The following ZNF239 variants were observed in gnomAD, a reference collection of about 807,000 sequenced individuals.
ZNF239 encodes the protein zinc finger protein (C2H2) homologous to mouse MOK-2.
Under a neutral mutation model 27.5 loss-of-function variants are expected in ZNF239, and 16 were observed. The ratio of observed to expected loss-of-function variants is 0.58; its 90% CI spans 0.39 to 0.88. The LOEUF is 0.88. Among genes scored for constraint, ZNF239 ranks in the 40% least tolerant of loss-of-function variants. The pLI is 0.00. For missense variants in ZNF239, 527 were observed against 551.9 expected, an observed-to-expected ratio of 0.95 and a Z score of 0.45; for synonymous variants, 199 against 192.6, an observed-to-expected ratio of 1.03 and a Z score of -0.27.
At chr10:43,564,135 C>T (rs1837469356) in intron 3 of ZNF239, 2 of 209,854 alleles carry the variant, frequency 9.5e-6, no homozygotes, top group Middle Eastern at 2.2e-3. Flanking sequence ...TGTTCTTCCC[C>T]TCCCTAGCCA....
chr10:43,557,602 A>C lies in ZNF239; in HGVS notation c.478T>G (p.Trp160Gly). ...IDCNCKDIHG[W>G]KSQVVSCSQQ... ...CTACAACTGACCACCTGTGATTTCC[A>C]TCCATGAATGTCTTTGCAGTTACAG... The change falls in exon 4 of 4, where the codon TGG becomes GGG. Residue 160 changes from tryptophan (W) to glycine (G), a missense_variant. Trp to Gly is a radical substitution (Grantham distance 184). Coordinates refer to ENST00000374446, the MANE Select transcript of ZNF239 (RefSeq NM_001099282.2). 2 of 1,614,164 alleles carry C rather than the reference A, an allele frequency of 1.2e-6. No homozygotes were observed. The highest frequency in any genetic ancestry group is 1.7e-6 in the Non-Finnish European group (2 of 1,180,036).
intron 2 of ZNF239, 58 bp downstream of exon 2, chr10:43,573,579 A>C (rs761312610): frequency 1.0e-6 from 1 of 977,906 alleles, no homozygotes; most frequent in Non-Finnish European, 1.2e-6. Flanking sequence ...AAAACAACAC[A>C]TGGCACAGGG....
chr10:43,568,180 T>C, intron 2 of ZNF239, 159 bp from the exon 3 acceptor site: 2 of 985,504 alleles, frequency 2.0e-6, no homozygotes, highest in Non-Finnish European at 2.4e-6. Context: ...TTGGAAAGTC[T>C]TTCCTTTCTC....
chr10:43,559,768 T>G (rs1219764723), intron 3 of ZNF239, among the ~76,000 whole-genome samples: 1 of 151,536 alleles, frequency 6.6e-6, no homozygotes, highest in Non-Finnish European at 1.5e-5. Context: ...CATAATACTC[T>G]TGGGAAAACA....
intron 3 of ZNF239, among the ~76,000 whole-genome samples, chr10:43,561,078 A>C (rs1338731358): frequency 6.6e-6 from 1 of 152,224 alleles, no homozygotes; most frequent in African/African-American, 2.4e-5. Context: ...CACATGGCTA[A>C]GATGGAAGAT....
intron 3 of ZNF239, among the ~76,000 whole-genome samples, chr10:43,564,814 C>T (rs1238026519): frequency 6.6e-6 from 1 of 152,110 alleles, no homozygotes; most frequent in Non-Finnish European, 1.5e-5. Flanking sequence ...CAGGCATGAG[C>T]CACCACGCCT....
chr10:43,568,247 C>T (rs1195855834), intron 2 of ZNF239: 8 of 985,494 alleles, frequency 8.1e-6, no homozygotes, highest in Non-Finnish European at 9.6e-6. Flanking sequence ...CATATCTACG[C>T]TCAAGTTCTC....
intron 3 of ZNF239, among the ~76,000 whole-genome samples, chr10:43,561,834 A>C (rs1285536824): frequency 1.1e-4 from 16 of 152,130 alleles, no homozygotes; most frequent in Non-Finnish European, 4.4e-5. Context: ...ACAAAACAAA[A>C]ACCCCCAAAC....
rs888610113 is a variant in ZNF239 at position 43,558,166 on chromosome 10, A to G, written c.-87T>C. On this transcript the variant is annotated 5_prime_UTR_variant, in exon 4 of 4. Transcript: ENST00000374446. ...AGATTCTCCACAGAATTTTCATTCA[A>G]GTCTCCTAGGGAACAAAGACAATTC... The G allele has an allele frequency of 1.3e-5, 19 of 1,483,180 alleles. No individual in the cohort carries two copies. In the Middle Eastern group the frequency reaches 8.9e-4, roughly 69 times the overall value. The allele number at this position is 1,483,180 out of a possible 1,614,324, so 91.9% of individuals were successfully genotyped here. A position where few individuals can be genotyped will look rare whatever the true frequency, so the allele number is the denominator to read the frequency against.
rs1588808956 is a variant in ZNF239 at position 43,567,928 on chromosome 10, T to C, written c.-122A>G. The C allele has an allele frequency of 1.0e-6, 1 of 985,782 alleles. No individual in the cohort carries two copies. Among genetic ancestry groups the C allele is most frequent in the Non-Finnish European group, 1.2e-6 (1 of 829,970 alleles). The allele number at this position is 985,782 out of a possible 1,614,324, so 61.1% of individuals were successfully genotyped here. A position where few individuals can be genotyped will look rare whatever the true frequency, so the allele number is the denominator to read the frequency against. On this transcript the variant is annotated 5_prime_UTR_variant, in exon 3 of 4. It removes an upstream start codon present in the reference 5' UTR. Coordinates refer to ENST00000374446, the MANE Select transcript of ZNF239 (RefSeq NM_001099282.2). ...ACCAAGTTTCTGTAGTTGCCCAGCA[T>C]CACAGCTCCGCACAGCTTCCTGGGA...
intron 3 of ZNF239, among the ~76,000 whole-genome samples, chr10:43,559,834 C>A (rs190472152): frequency 4.6e-5 from 7 of 152,172 alleles, no homozygotes; most frequent in Non-Finnish European, 8.8e-5. Flanking sequence ...TGATAAGGAG[C>A]AGATGGATTA....
At chr10:43,570,062 G>T in intron 2 of ZNF239, 1 of 513,270 alleles carries the variant, frequency 1.9e-6, no homozygotes, top group Non-Finnish European at 2.5e-6. Context: ...TATATAAAAA[G>T]TCATAAAGGC....
rs765341055 is a variant in ZNF239 at position 43,556,741 on chromosome 10, G to A, written c.1339C>T (p.His447Tyr). ...TTCTTGTGAACCCGCTGGTGGATGT[G>A]AAGGTTGGAGCTCTGGCTGAAGCCC... ...GKGFSQSSNL[H>Y]IHQRVHKKDP... is the part of the protein sequence containing the mutation. Residue 447 changes from histidine (H) to tyrosine (Y), a missense_variant, in exon 4 of 4, where the codon CAC becomes TAC. By Grantham distance (83) the His-to-Tyr change is moderately conservative. Coordinates refer to ENST00000374446, the MANE Select transcript of ZNF239 (RefSeq NM_001099282.2). 13 of 1,614,030 alleles carry A rather than the reference G, an allele frequency of 8.1e-6. No individual in the cohort carries two copies. Among genetic ancestry groups the A allele is most frequent in the Non-Finnish European group, 8.5e-6 (10 of 1,179,938 alleles).
intron 3 of ZNF239, among the ~76,000 whole-genome samples, chr10:43,564,889 T>C (rs1431548176): frequency 1.3e-5 from 2 of 152,010 alleles, no homozygotes; most frequent in African/African-American, 4.8e-5. Context: ...ACAACTTTAA[T>C]ACTGACAAAA....
rs746610066 is a variant in ZNF239, at chr10:43,557,421, G to A, written c.659C>T (p.Ser220Leu). 2 of 1,614,080 alleles carry A rather than the reference G, an allele frequency of 1.2e-6. No homozygotes were observed. Among genetic ancestry groups the A allele is most frequent in the South Asian group, 1.1e-5 (1 of 91,084 alleles). ...GTCTCTCTGATGAAGTAGTAGCTCT[G>A]AGCTTTGACTGAAGTTCTTACCACA... ...SQCGKNFSQSSELLLHQRDHT... is the reference protein window; with the variant it reads ...SQCGKNFSQSLELLLHQRDHT... The change falls in exon 4 of 4, where the codon TCA becomes TTA. Residue 220 changes from serine to leucine, a missense_variant. Coordinates refer to ENST00000374446, the MANE Select transcript of ZNF239 (RefSeq NM_001099282.2).
chr10:43,569,291 C>T (rs555369787), intron 2 of ZNF239, among the ~76,000 whole-genome samples: 2 of 152,322 alleles, frequency 1.3e-5, no homozygotes, highest in Admixed American at 1.3e-4. Flanking sequence ...CCCACATCAA[C>T]CTCCTGGTTG....
At chr10:43,569,286 A>T (rs1163814312) in intron 2 of ZNF239, among the ~76,000 whole-genome samples, 4 of 152,090 alleles carry the variant, frequency 2.6e-5, no homozygotes, top group African/African-American at 9.7e-5. Context: ...TCTCACCCAC[A>T]TCAACCTCCT....
rs1564455066 is a variant in ZNF239, at chr10:43,558,022, C to A, written c.58G>T (p.Asp20Tyr). Reference sequence around the variant, plus strand: ...GAAATATCTAGTTCAGGCTCCCCATCCACTTCCCCTCGATGATTCACAATA... The same window carrying A: ...GAAATATCTAGTTCAGGCTCCCCATACACTTCCCCTCGATGATTCACAATA... ...DCIVNHRGEVDGEPELDISPC... is the reference protein window; with the variant it reads ...DCIVNHRGEVYGEPELDISPC... The change falls in exon 4 of 4, where the codon GAT becomes TAT. Residue 20 changes from aspartate to tyrosine, a missense_variant. Physicochemically the swap from Asp to Tyr is radical, Grantham distance 160 (BLOSUM62 -3). Coordinates refer to ENST00000374446, the MANE Select transcript of ZNF239 (RefSeq NM_001099282.2). 6.2e-7 allele frequency: 1 copy of A among 1,614,178 alleles called. No homozygotes were observed. The highest frequency in any genetic ancestry group is 8.5e-7 in the Non-Finnish European group (1 of 1,180,034).
rs754621006 is a variant in ZNF239, at chr10:43,557,548, G to A, written c.532C>T (p.Pro178Ser). 5 of 1,614,112 alleles carry A rather than the reference G, an allele frequency of 3.1e-6. No homozygotes were observed. The highest frequency in any genetic ancestry group is 1.3e-5 in the African/African-American group (1 of 75,024). The change falls in exon 4 of 4, where the codon CCC becomes TCC. Residue 178 changes from proline to serine, a missense_variant. By Grantham distance (74) the Pro-to-Ser change is moderately conservative. Transcript: ENST00000374446. The part of the protein sequence containing the change: ...SQQRAHTEEK[P>S]CDHNNCGKIL... Reference sequence around the variant, plus strand: ...TTCCCACAGTTATTATGGTCACAGGGTTTCTCCTCTGTATGAGCTCTCTGC... The same window carrying A: ...TTCCCACAGTTATTATGGTCACAGGATTTCTCCTCTGTATGAGCTCTCTGC...
Sources: allele counts gnomAD v4.1 joint callset (sites outside exome capture counted in the v4.1 genomes callset), GRCh38; gene constraint gnomAD v4.1.1; transcripts MANE v1.5; gene names NCBI Gene and HGNC (gene_info 2026-07-23, HGNC 2026-07-21).